CELSR1: variants seen among roughly 807,000 people sequenced by gnomAD.
CELSR1 encodes cadherin EGF LAG seven-pass G-type receptor 1.
CELSR1 carries 110 observed loss-of-function variants against 249.1 expected under a neutral mutation model. The observed-to-expected ratio is 0.44, with a 90% confidence interval of 0.38 to 0.52. The LOEUF is 0.52. Ranked by LOEUF, CELSR1 falls within the 20% of genes least tolerant of loss-of-function variation. The probability of loss-of-function intolerance (pLI) is 0.00; values close to 1 mark genes in which losing one functional copy is unlikely to be tolerated. For synonymous variants in CELSR1, 2,113 were observed against 1,900.0 expected, an observed-to-expected ratio of 1.11 and a Z score of -2.92; for missense variants, 4,109 against 4,296.4, an observed-to-expected ratio of 0.96 and a Z score of 1.22.
At chr22:46,439,437 AGAG>A in intron 2 of CELSR1, 26 bp from the exon 3 acceptor site, 1 of 1,585,006 alleles carries the variant, frequency 6.3e-7, no homozygotes, top group Non-Finnish European at 8.6e-7. Flanking sequence ...AAGATGCCAG[AGAG>A]GAGGTTACCG....
At position 46,436,336 on chromosome 22, in the gene CELSR1, C is replaced by T; in HGVS notation, c.4407-47G>A. ...CATCACAGGATGAAGACCCCAGGGT[C>T]CAAAGGCTGCCTAGGAATGACAAGT... On this transcript the variant is annotated intron_variant, in intron 3 of 34. Coordinates refer to ENST00000674500, the MANE Select transcript of CELSR1 (RefSeq NM_001378328.1). The surrounding 1 kb of genome is among the most constrained non-coding windows in gnomAD (Gnocchi z 5.9). The T allele has an allele frequency of 6.9e-7, 1 of 1,446,840 alleles. No individual in the cohort carries two copies. The highest frequency in any genetic ancestry group is 1.2e-5 in the South Asian group (1 of 86,754). The allele number at this position is 1,446,840 out of a possible 1,614,324, so 89.6% of individuals were successfully genotyped here.
At chr22:46,504,820 A>G (rs1199594767) in intron 1 of CELSR1, among the ~76,000 whole-genome samples, 1 of 152,212 alleles carries the variant, frequency 6.6e-6, no homozygotes, top group Non-Finnish European at 1.5e-5. Context: ...CAAAACCTCA[A>G]AAGTTACTCA....
intron 1 of CELSR1, among the ~76,000 whole-genome samples, chr22:46,475,512 T>G (rs1327247969): frequency 6.6e-6 from 1 of 151,962 alleles, no homozygotes; most frequent in East Asian, 1.9e-4. Flanking sequence ...GAGTCTAGTT[T>G]GGGAAGATGA....
At position 46,527,075 on chromosome 22, in the gene CELSR1, G is replaced by C. The variant is rs1477871297; in HGVS notation, c.3544+6552C>G. Among the ~76,000 whole-genome samples the C allele has an allele frequency of 6.6e-6, 1 of 152,174 alleles. No individual in the cohort carries two copies. The highest frequency in any genetic ancestry group is 1.5e-5 in the Non-Finnish European group (1 of 68,042). On this transcript the variant is annotated intron_variant, in intron 1 of 34. Transcript: ENST00000674500. The surrounding 1 kb of genome is among the most constrained non-coding windows in gnomAD (Gnocchi z 5.5). ...ATCCCACTGCTGCCATCACAAGCTGGTGCCCTGGGAGCCCTGTCCTTGGTT... is the reference window on the plus strand; with the variant it reads ...ATCCCACTGCTGCCATCACAAGCTGCTGCCCTGGGAGCCCTGTCCTTGGTT...
Position 46,395,184 on chromosome 22 carries a change from GC to G in CELSR1, c.5844-923del, listed in dbSNP as rs35801437. On this transcript the variant is annotated intron_variant, in intron 13 of 34. Transcript: ENST00000674500. This position sits in a 1 kb window ranked among gnomAD's most constrained non-coding sequence, Gnocchi z 5.5. ...ATGGATGTGTGTGTGCAGCGTGGGG[GC>G]CCCAGAACCTTCATCCCCCTGCAGC... is the stretch of plus-strand genomic sequence containing the variant. 0.11 allele frequency among the ~76,000 whole-genome samples: 16,545 copies of G among 152,136 alleles called. 1,037 individuals carry two copies. The highest frequency in any genetic ancestry group is 0.18 in the African/African-American group (7,309 of 41,472).
Position 46,433,626 on chromosome 22 carries a change from G to A in CELSR1, c.4523-145C>T. ...CCTCCCCACGGCACCATGGTGGGAG[G>A]CGCCCACCACTCCATCCATTTTCTT... On this transcript the variant is annotated intron_variant, in intron 4 of 34. Coordinates refer to ENST00000674500, the MANE Select transcript of CELSR1 (RefSeq NM_001378328.1). The surrounding 1 kb of genome is among the most constrained non-coding windows in gnomAD (Gnocchi z 5.7). 1 of 612,504 alleles carries A rather than the reference G, an allele frequency of 1.6e-6. No homozygotes were observed. Among genetic ancestry groups the A allele is most frequent in the East Asian group, 2.8e-5 (1 of 35,916 alleles). The allele number at this position is 612,504 out of a possible 1,614,324, so 37.9% of individuals were successfully genotyped here. A position where few individuals can be genotyped will look rare whatever the true frequency, so the allele number is the denominator to read the frequency against.
Position 46,381,757 on chromosome 22 carries a change from T to C in CELSR1, c.7088+89A>G, listed in dbSNP as rs2078979675. On this transcript the variant is annotated intron_variant, in intron 21 of 34. Transcript: ENST00000674500. The surrounding 1 kb of genome is among the most constrained non-coding windows in gnomAD (Gnocchi z 6.0). ...GGTGAAATGTCACTGTGAAGACCTGTGCTTGATCAGGATCAGGATTTTGAC... is the reference window on the plus strand; with the variant it reads ...GGTGAAATGTCACTGTGAAGACCTGCGCTTGATCAGGATCAGGATTTTGAC... 5.8e-6 allele frequency: 7 copies of C among 1,214,966 alleles called. No individual in the cohort carries two copies. The South Asian group carries it at 8.4e-5, about 15-fold the overall frequency. The allele number at this position is 1,214,966 out of a possible 1,614,324, so 75.3% of individuals were successfully genotyped here.
chr22:46,369,658 GGCACCC>G (rs769528782), intron 26 of CELSR1, 28 bp downstream of exon 26: 1 of 1,591,256 alleles, frequency 6.3e-7, no homozygotes, highest in South Asian at 1.1e-5. Context: ...GCATGTTTGG[GGCACCC>G]GGACTCCCGT....
In CELSR1 at chr22:46,378,541, A is replaced by T. The variant is rs765673636; in HGVS notation, c.7383+50T>A. The T allele has an allele frequency of 2.6e-6, 4 of 1,518,532 alleles. No homozygotes were observed. The African/African-American group carries it at 5.8e-5, about 22-fold the overall frequency. 94.1% of individuals were successfully genotyped at this position (1,518,532 alleles called of 1,614,324 possible). ...AGGTGCAGGTTTGGGGGGGAGGGGC[A>T]GGTTTGGCGGTAGGCCCAGAGGGCA... On this transcript the variant is annotated intron_variant, in intron 23 of 34. Coordinates refer to ENST00000674500, the MANE Select transcript of CELSR1 (RefSeq NM_001378328.1).
rs1387043742 is a variant in CELSR1, at chr22:46,429,624, C to A, written c.4611+3769G>T. On this transcript the variant is annotated intron_variant, in intron 5 of 34. Coordinates refer to ENST00000674500, the MANE Select transcript of CELSR1 (RefSeq NM_001378328.1). The surrounding 1 kb of genome is among the most constrained non-coding windows in gnomAD (Gnocchi z 4.1). Reference sequence around the variant, plus strand: ...GGCAGAAAGGAAAAATAAACAGACTCTGCCTGCTCCCTGCCTGGGAGGGTT... The same window carrying A: ...GGCAGAAAGGAAAAATAAACAGACTATGCCTGCTCCCTGCCTGGGAGGGTT... Among the ~76,000 whole-genome samples, 2 of 152,258 alleles carry A rather than the reference C, an allele frequency of 1.3e-5. No individual in the cohort carries two copies. Among genetic ancestry groups the A allele is most frequent in the Non-Finnish European group, 2.9e-5 (2 of 68,052 alleles).
rs371848715 is a variant in CELSR1, at chr22:46,363,976, T to C, written c.9035+20A>G. Reference sequence around the variant, plus strand: ...AGGGGGAAGTGGGTGATCCCCGCCCTGGAGGCCCAGGCTACTCACTCAGAG... The same window carrying C: ...AGGGGGAAGTGGGTGATCCCCGCCCCGGAGGCCCAGGCTACTCACTCAGAG... On this transcript the variant is annotated intron_variant, in intron 34 of 34. Transcript: ENST00000674500. The surrounding 1 kb of genome is among the most constrained non-coding windows in gnomAD (Gnocchi z 4.3). 49 of 1,573,620 alleles carry C rather than the reference T, an allele frequency of 3.1e-5. No homozygotes were observed. The East Asian group carries it at 9.9e-4, about 32-fold the overall frequency.
intron 1 of CELSR1, among the ~76,000 whole-genome samples, chr22:46,495,305 G>A (rs952364387): frequency 6.6e-6 from 1 of 152,184 alleles, no homozygotes; most frequent in African/African-American, 2.4e-5. Flanking sequence ...GTAATACAAA[G>A]GCAAATATTT....
intron 1 of CELSR1, among the ~76,000 whole-genome samples, chr22:46,467,362 A>G (rs946258041): frequency 6.6e-5 from 10 of 152,352 alleles, no homozygotes; most frequent in Non-Finnish European, 1.0e-4. Flanking sequence ...TGGGAAATGC[A>G]CAACCCAATT....
chr22:46,389,544 C>T (rs773073257), intron 17 of CELSR1, 45 bp from the exon 18 acceptor site: 25 of 1,579,318 alleles, frequency 1.6e-5, no homozygotes, highest in Middle Eastern at 1.7e-4. Flanking sequence ...CCACTTCGGC[C>T]GCTTTCAGTC....
intron 1 of CELSR1, among the ~76,000 whole-genome samples, chr22:46,485,571 G>A (rs1409372257): frequency 6.6e-6 from 1 of 152,240 alleles, no homozygotes; most frequent in Non-Finnish European, 1.5e-5. Flanking sequence ...CACAAGTAAA[G>A]CTGAAAATAA....
At position 46,526,271 on chromosome 22, in the gene CELSR1, G is replaced by A. The variant is rs2080737950; in HGVS notation, c.3544+7356C>T. 6.6e-6 allele frequency among the ~76,000 whole-genome samples: 1 copy of A among 152,206 alleles called. No homozygotes were observed. Among genetic ancestry groups the A allele is most frequent in the South Asian group, 2.1e-4 (1 of 4,834 alleles). ...AAGCTTGGCCACAGTAGCCCTTTGG[G>A]AGACAATGAGGAAGACCTGACACTG... On this transcript the variant is annotated intron_variant, in intron 1 of 34. Transcript: ENST00000674500. This position sits in a 1 kb window ranked among gnomAD's most constrained non-coding sequence, Gnocchi z 4.7.
rs1246669406 is a variant in CELSR1 at position 46,437,023 on chromosome 22, C to A, written c.4407-734G>T. ...GAGGAACCGCAGCTCTCATTCCCTG[C>A]TGCATTCCAGAACCCAAAGAAGATC... On this transcript the variant is annotated intron_variant, in intron 3 of 34. Coordinates refer to ENST00000674500, the MANE Select transcript of CELSR1 (RefSeq NM_001378328.1). The surrounding 1 kb of genome is among the most constrained non-coding windows in gnomAD (Gnocchi z 4.9). Among the ~76,000 whole-genome samples the A allele has an allele frequency of 6.6e-6, 1 of 152,222 alleles. No homozygotes were observed. The highest frequency in any genetic ancestry group is 1.5e-5 in the Non-Finnish European group (1 of 68,042).
chr22:46,386,953 T>TC (rs1423084035), intron 18 of CELSR1, among the ~76,000 whole-genome samples: 1 of 152,162 alleles, frequency 6.6e-6, no homozygotes, highest in African/African-American at 2.4e-5. Context: ...AGACGGGGCT[T>TC]CACCATGTTG....
chr22:46,415,626 TAAA>T lies in CELSR1; in HGVS notation c.4612-3870_4612-3868del, dbSNP rs113662013. Among the ~76,000 whole-genome samples, 236 of 141,354 alleles carry T rather than the reference TAAA, an allele frequency of 1.7e-3. 1 individual carries two copies. The highest frequency in any genetic ancestry group is 1.8e-3 in the Non-Finnish European group (117 of 64,096). The allele number at this position is 141,354 out of a possible 152,430, so 92.7% of individuals were successfully genotyped here. A position where few individuals can be genotyped will look rare whatever the true frequency, so the allele number is the denominator to read the frequency against. On this transcript the variant is annotated intron_variant, in intron 5 of 34. Transcript: ENST00000674500. ...AACTTCACCTCAATAAGGAAAAAATTAAAAAAAAAAAAAGATTCCTGGGTGGGC... is the reference window on the plus strand; with the variant it reads ...AACTTCACCTCAATAAGGAAAAAATTAAAAAAAAAAGATTCCTGGGTGGGC...
Sources: allele counts gnomAD v4.1 joint callset (sites outside exome capture counted in the v4.1 genomes callset), GRCh38; gene constraint gnomAD v4.1.1; non-coding constraint Gnocchi (gnomAD v3.1); transcripts MANE v1.5; gene names NCBI Gene and HGNC (gene_info 2026-07-23, HGNC 2026-07-21).